The following DNAH14 variants were observed in gnomAD, a reference collection of about 807,000 sequenced individuals.
DNAH14 encodes axonemal beta dynein heavy chain 14.
In DNAH14, 478 loss-of-function variants were observed where a neutral mutation model predicts 520.9. That is an observed-to-expected ratio of 0.92 (90% CI 0.85 to 0.99). The LOEUF is 0.99. Ranked by LOEUF, DNAH14 falls within the 50% of genes least tolerant of loss-of-function variation. DNAH14 has a pLI of 0.00. For synonymous variants in DNAH14, 1,581 were observed against 1,757.2 expected, an observed-to-expected ratio of 0.90 and a Z score of 2.51; for missense variants, 4,831 against 5,234.5, an observed-to-expected ratio of 0.92 and a Z score of 2.38.
At chr1:224,995,468 C>T (rs1000494646) in intron 8 of DNAH14, among the ~76,000 whole-genome samples, 2 of 151,768 alleles carry the variant, frequency 1.3e-5, no homozygotes, top group Non-Finnish European at 2.9e-5. Context: ...TCTCTTGCTG[C>T]TCTCAGAAAT....
chr1:225,330,192 T>C (rs1327440500), intron 64 of DNAH14, among the ~76,000 whole-genome samples: 2 of 152,160 alleles, frequency 1.3e-5, no homozygotes, highest in Admixed American at 1.3e-4. Flanking sequence ...GGAACCCTTA[T>C]ACACTGCTCG....
At chr1:225,380,898 G>T (rs1480238663) in intron 80 of DNAH14, among the ~76,000 whole-genome samples, 1 of 152,174 alleles carries the variant, frequency 6.6e-6, no homozygotes, top group Non-Finnish European at 1.5e-5. Context: ...TCAAAACAGT[G>T]TCATTGTTGA....
At chr1:225,345,374 C>T (rs2095270917) in intron 69 of DNAH14, among the ~76,000 whole-genome samples, 1 of 152,040 alleles carries the variant, frequency 6.6e-6, no homozygotes, top group African/African-American at 2.4e-5. Context: ...ATGTTTAGCC[C>T]ACAAAACAGA....
In DNAH14 at chr1:225,322,085, C is replaced by CTTTTTTTTTTTTTTTTTTTTT. The variant is rs3047035; in HGVS notation, c.9336-576_9336-556dup. Among the ~76,000 whole-genome samples, 133 of 90,170 alleles carry CTTTTTTTTTTTTTTTTTTTTT rather than the reference C, an allele frequency of 1.5e-3. 3 individuals carry two copies. The highest frequency in any genetic ancestry group is 3.0e-3 in the South Asian group (6 of 1,980). The allele number at this position is 90,170 out of a possible 152,430, so 59.2% of individuals were successfully genotyped here. A position where few individuals can be genotyped will look rare whatever the true frequency, so the allele number is the denominator to read the frequency against. ...TGAAGACTTTTCTTTTTTTTTCTTT[C>CTTTTTTTTTTTTTTTTTTTTT]TTTTTTTTTTTTTTTTTTTTTTTGA... On this transcript the variant is annotated intron_variant, in intron 61 of 85. Coordinates refer to ENST00000682510, the MANE Select transcript of DNAH14 (RefSeq NM_001367479.1).
At chr1:225,367,166 C>A (rs2095564226) in intron 76 of DNAH14, among the ~76,000 whole-genome samples, 1 of 151,766 alleles carries the variant, frequency 6.6e-6, no homozygotes, top group Non-Finnish European at 1.5e-5. Flanking sequence ...TATTTCAGAC[C>A]CTTCACAATT....
chr1:225,039,746 C>T (rs912176286), intron 12 of DNAH14, among the ~76,000 whole-genome samples: 1 of 148,970 alleles, frequency 6.7e-6, no homozygotes, highest in African/African-American at 2.4e-5. Context: ...GGCGTAGTGG[C>T]GGGCGCCTGT....
At chr1:225,393,881 C>G (rs369161146) in intron 84 of DNAH14, among the ~76,000 whole-genome samples, 1 of 150,982 alleles carries the variant, frequency 6.6e-6, no homozygotes, top group Non-Finnish European at 1.5e-5. Flanking sequence ...TGCAGTGGCA[C>G]GATCTCAGCT....
intron 9 of DNAH14, among the ~76,000 whole-genome samples, chr1:225,003,819 T>C (rs1032005434): frequency 6.6e-6 from 1 of 152,118 alleles, no homozygotes; most frequent in Non-Finnish European, 1.5e-5. Context: ...GGTTTTTATG[T>C]AGAAGGAAAT....
At chr1:224,946,918 T>C (rs1477682406) in intron 1 of DNAH14, among the ~76,000 whole-genome samples, 1 of 123,340 alleles carries the variant, frequency 8.1e-6, no homozygotes, top group Non-Finnish European at 1.5e-5. Context: ...TCATCTACTT[T>C]TTTTTTTTTT....
chr1:224,950,692 G>A (rs1200679665), intron 1 of DNAH14, among the ~76,000 whole-genome samples: 1 of 152,204 alleles, frequency 6.6e-6, no homozygotes, highest in East Asian at 1.9e-4. Flanking sequence ...GGCAAATGAT[G>A]GCCTATCGGC....
chr1:224,976,339 C>A (rs920557253), intron 8 of DNAH14, among the ~76,000 whole-genome samples: 1 of 152,006 alleles, frequency 6.6e-6, no homozygotes, highest in Non-Finnish European at 1.5e-5. Context: ...TAAAGTCTCC[C>A]ATTATTATTG....
chr1:225,376,043 A>G lies in DNAH14; in HGVS notation c.12516+1158A>G, dbSNP rs150196838. Among the ~76,000 whole-genome samples, 393 of 151,634 alleles carry G rather than the reference A, an allele frequency of 2.6e-3. 1 individual carries two copies. The highest frequency in any genetic ancestry group is 9.2e-3 in the African/African-American group (381 of 41,228). On this transcript the variant is annotated intron_variant, in intron 78 of 85. Transcript: ENST00000682510. ...GTGGAGATTTCAGTGAGCCGAGATC[A>G]CACCACTGCATTCCATCCTGGGCAT...
intron 37 of DNAH14, among the ~76,000 whole-genome samples, chr1:225,188,432 A>G (rs2085002457): frequency 6.6e-6 from 1 of 151,874 alleles, no homozygotes; most frequent in Non-Finnish European, 1.5e-5. Flanking sequence ...TAATTGTTCT[A>G]TTAATTATTG....
chr1:225,179,649 C>T (rs985311399), intron 36 of DNAH14, among the ~76,000 whole-genome samples: 1 of 152,164 alleles, frequency 6.6e-6, no homozygotes, highest in Non-Finnish European at 1.5e-5. Context: ...ATTTTACACA[C>T]CACAATTACA....
intron 23 of DNAH14, among the ~76,000 whole-genome samples, chr1:225,113,117 G>T (rs1474206564): frequency 1.3e-5 from 2 of 152,008 alleles, no homozygotes; most frequent in African/African-American, 4.8e-5. Context: ...TATCGTTCTT[G>T]GGCAGGCCTT....
At chr1:225,266,997 A>C (rs2093139895) in intron 49 of DNAH14, among the ~76,000 whole-genome samples, 1 of 152,118 alleles carries the variant, frequency 6.6e-6, no homozygotes, top group Non-Finnish European at 1.5e-5. Context: ...CTTAGTAAAA[A>C]TTGCATGTAT....
At chr1:225,190,909 A>T (rs2085342511) in intron 37 of DNAH14, among the ~76,000 whole-genome samples, 1 of 152,024 alleles carries the variant, frequency 6.6e-6, no homozygotes, top group Non-Finnish European at 1.5e-5. Context: ...ATAACTACCA[A>T]TCCAGTAGAA....
chr1:225,302,955 T>TAAAGGC (rs2094167370), intron 56 of DNAH14, among the ~76,000 whole-genome samples: 1 of 152,154 alleles, frequency 6.6e-6, no homozygotes, highest in East Asian at 1.9e-4. Context: ...GCAAGGGGTG[T>TAAAGGC]TCTGGGTCCA....
chr1:225,112,839 T>C (rs1558996379), intron 23 of DNAH14, among the ~76,000 whole-genome samples: 1 of 152,076 alleles, frequency 6.6e-6, no homozygotes, highest in African/African-American at 2.4e-5. Context: ...TTTTCAGTTA[T>C]ATCAATTTCT....
Sources: gnomAD v4.1 joint callset for allele counts (sites outside exome capture counted in the v4.1 genomes callset) on GRCh38, gnomAD v4.1.1 for gene constraint, MANE v1.5 for transcripts, NCBI Gene and HGNC (gene_info 2026-07-23, HGNC 2026-07-21) for gene names.